The following EFCAB6 variants were observed in gnomAD, a reference collection of about 807,000 sequenced individuals.
EFCAB6 encodes the protein EF-hand calcium-binding domain-containing protein 6.
In EFCAB6, 156 loss-of-function variants were observed where a neutral mutation model predicts 169.8. The observed-to-expected ratio is 0.92, with a 90% CI of 0.81 to 1.05. The LOEUF (loss-of-function observed/expected upper bound fraction) is 1.05. EFCAB6 is among the 50% of genes least tolerant of loss of function. The pLI, the probability that EFCAB6 is intolerant of heterozygous loss-of-function variation, is 0.00. For missense variants in EFCAB6, 1,800 were observed against 1,829.1 expected (o/e 0.98, Z 0.29); for synonymous variants, 698 against 676.4 (o/e 1.03, Z -0.50).
chr22:43,627,634 G>A (rs956921633), intron 19 of EFCAB6, among the ~76,000 whole-genome samples: 8 of 152,130 alleles, frequency 5.3e-5, no homozygotes, highest in African/African-American at 1.9e-4. Flanking sequence ...CCTGCTTCCC[G>A]GGTCTCAGGC....
At chr22:43,661,817 TA>T (rs2057015258) in intron 17 of EFCAB6, among the ~76,000 whole-genome samples, 1 of 152,128 alleles carries the variant, frequency 6.6e-6, no homozygotes, top group Non-Finnish European at 1.5e-5. Flanking sequence ...TGATAGTTAA[TA>T]AATATAGTTC....
At chr22:43,578,388 T>C (rs753113811) in intron 25 of EFCAB6, among the ~76,000 whole-genome samples, 9 of 152,190 alleles carry the variant, frequency 5.9e-5, no homozygotes, top group Non-Finnish European at 1.2e-4. Context: ...TGAGAGGTGT[T>C]GAGTGGATCT....
In EFCAB6 at chr22:43,626,615, A is replaced by G. The variant is rs760190257; in HGVS notation, c.2297T>C (p.Leu766Pro). Residue 766 changes from leucine (L) to proline (P), a missense_variant, in exon 20 of 32, where the codon CTT becomes CCT. Leu to Pro is a moderately conservative substitution (Grantham distance 98). Coordinates refer to ENST00000262726, the MANE Select transcript of EFCAB6 (RefSeq NM_022785.4). Reference sequence around the variant, plus strand: ...CAGTAGATGCAGGAGCAGTCTGTGAAGGTCATGCATGTTGATTATGCCATC... The same window carrying G: ...CAGTAGATGCAGGAGCAGTCTGTGAGGGTCATGCATGTTGATTATGCCATC... ...DRDGIINMHDLHRLLLHLLLN... is the reference protein window; with the variant it reads ...DRDGIINMHDPHRLLLHLLLN... 15 of 1,614,220 alleles carry G rather than the reference A, an allele frequency of 9.3e-6. No homozygotes were observed. Among genetic ancestry groups the G allele is most frequent in the Non-Finnish European group, 1.2e-5 (14 of 1,180,038 alleles).
intron 5 of EFCAB6, among the ~76,000 whole-genome samples, chr22:43,757,878 T>C (rs545788599): frequency 1.4e-4 from 22 of 152,362 alleles, no homozygotes; most frequent in Middle Eastern, 6.8e-3. Flanking sequence ...ACTAACTTAG[T>C]GACACTAGCT....
At chr22:43,619,980 A>G (rs1370299016) in intron 20 of EFCAB6, among the ~76,000 whole-genome samples, 1 of 152,224 alleles carries the variant, frequency 6.6e-6, no homozygotes, top group African/African-American at 2.4e-5. Flanking sequence ...CATAAATTAT[A>G]ATCAATTGTC....
At chr22:43,688,191 C>T (rs2147154379) in intron 10 of EFCAB6, among the ~76,000 whole-genome samples, 1 of 152,280 alleles carries the variant, frequency 6.6e-6, no homozygotes, top group East Asian at 1.9e-4. Flanking sequence ...CCAACAAATG[C>T]AGGTGGCCTC....
chr22:43,592,003 A>G (rs1390315769), intron 23 of EFCAB6, among the ~76,000 whole-genome samples: 1 of 152,162 alleles, frequency 6.6e-6, no homozygotes, highest in Non-Finnish European at 1.5e-5. Flanking sequence ...CTTTGGGGTT[A>G]TTCCTCAGGG....
At chr22:43,713,208 T>C (rs1378189312) in intron 9 of EFCAB6, among the ~76,000 whole-genome samples, 3 of 152,160 alleles carry the variant, frequency 2.0e-5, no homozygotes, top group Non-Finnish European at 4.4e-5. Flanking sequence ...AATAACTCTC[T>C]CCCTGATATA....
chr22:43,804,256 T>G (rs1417638826), intron 2 of EFCAB6, among the ~76,000 whole-genome samples: 1 of 152,174 alleles, frequency 6.6e-6, no homozygotes, highest in African/African-American at 2.4e-5. Context: ...GAAGGACATT[T>G]TTAAATTTCT....
At chr22:43,784,629 A>ATGTG (rs1347050423) in intron 2 of EFCAB6, among the ~76,000 whole-genome samples, 3 of 75,640 alleles carry the variant, frequency 4.0e-5, no homozygotes, top group African/African-American at 1.0e-4. Flanking sequence ...ATACACATAT[A>ATGTG]TATGTATATG....
At chr22:43,649,450 T>A (rs2056352680) in intron 17 of EFCAB6, among the ~76,000 whole-genome samples, 1 of 152,138 alleles carries the variant, frequency 6.6e-6, no homozygotes, top group African/African-American at 2.4e-5. Context: ...ACTAGAAATG[T>A]GAAACATTAC....
intron 6 of EFCAB6, among the ~76,000 whole-genome samples, chr22:43,753,044 A>G (rs2060825796): frequency 1.3e-5 from 2 of 152,220 alleles, no homozygotes; most frequent in South Asian, 4.1e-4. Flanking sequence ...GTACCCTGAA[A>G]GGTACTTTAG....
chr22:43,616,384 C>T (rs933772943), intron 20 of EFCAB6, among the ~76,000 whole-genome samples: 1 of 152,160 alleles, frequency 6.6e-6, no homozygotes, highest in Admixed American at 6.5e-5. Flanking sequence ...AAGATAGGGC[C>T]GGGTGCAGTG....
chr22:43,642,024 T>C (rs2055837854), intron 17 of EFCAB6, among the ~76,000 whole-genome samples: 1 of 139,186 alleles, frequency 7.2e-6, no homozygotes, highest in Non-Finnish European at 1.5e-5. Context: ...CACCACAACC[T>C]CCGCCTCTTG....
intron 22 of EFCAB6, among the ~76,000 whole-genome samples, chr22:43,602,057 C>T (rs898542707): frequency 3.3e-5 from 5 of 152,260 alleles, no homozygotes; most frequent in Non-Finnish European, 5.9e-5. Flanking sequence ...TAGGTAAATA[C>T]CAGTTTGCCG....
At chr22:43,656,686 T>C (rs1056014982) in intron 17 of EFCAB6, among the ~76,000 whole-genome samples, 3 of 152,210 alleles carry the variant, frequency 2.0e-5, no homozygotes, top group Non-Finnish European at 4.4e-5. Flanking sequence ...TTATACCACA[T>C]AGCTTAGGTG....
rs145865042 is a variant in EFCAB6, at chr22:43,655,803, C to T, written c.1983+11301G>A. 8.0e-4 allele frequency among the ~76,000 whole-genome samples: 121 copies of T among 152,150 alleles called. 1 individual carries two copies. Among genetic ancestry groups the T allele is most frequent in the Non-Finnish European group, 1.4e-3 (92 of 68,000 alleles). Reference sequence around the variant, plus strand: ...GAAAGCAAAAGGATAGAAAAGGATACGCCATGTGAACACTCATCAAAAGAA... The same window carrying T: ...GAAAGCAAAAGGATAGAAAAGGATATGCCATGTGAACACTCATCAAAAGAA... On this transcript the variant is annotated intron_variant, in intron 17 of 31. Coordinates refer to ENST00000262726, the MANE Select transcript of EFCAB6 (RefSeq NM_022785.4).
intron 9 of EFCAB6, among the ~76,000 whole-genome samples, chr22:43,715,698 T>C (rs1324510574): frequency 6.6e-6 from 1 of 152,242 alleles, no homozygotes; most frequent in Admixed American, 6.5e-5. Flanking sequence ...TGGTGGATTG[T>C]GAATAGTTTA....
chr22:43,678,108 G>C lies in EFCAB6; in HGVS notation c.1307C>G (p.Ala436Gly). Residue 436 changes from alanine (A) to glycine (G), a missense_variant, in exon 13 of 32, where the codon GCT becomes GGT. By Grantham distance (60) the Ala-to-Gly change is moderately conservative. Coordinates refer to ENST00000262726, the MANE Select transcript of EFCAB6 (RefSeq NM_022785.4). ...EEFRYILNCM[A>G]VKLSDSEFKE... ...GAATTCTGAATCGCTTAGTTTTACAGCCATGCAATTTAGAATATATCGAAA... is the reference window on the plus strand; with the variant it reads ...GAATTCTGAATCGCTTAGTTTTACACCCATGCAATTTAGAATATATCGAAA... 1 of 1,612,838 alleles carries C rather than the reference G, an allele frequency of 6.2e-7. No homozygotes were observed. Among genetic ancestry groups the C allele is most frequent in the Non-Finnish European group, 8.5e-7 (1 of 1,179,870 alleles).
Sources: gnomAD v4.1 joint callset for allele counts (sites outside exome capture counted in the v4.1 genomes callset) on GRCh38, gnomAD v4.1.1 for gene constraint, MANE v1.5 for transcripts, NCBI Gene and HGNC (gene_info 2026-07-23, HGNC 2026-07-21) for gene names.